Variants in DTX1 observed in about 807,000 individuals in gnomAD.
DTX1 encodes the protein deltex E3 ubiquitin ligase 1.
Under a neutral mutation model 57.8 loss-of-function variants are expected in DTX1, and 26 were observed. The ratio of observed to expected loss-of-function variants is 0.45; its 90% CI spans 0.33 to 0.62. DTX1 has a LOEUF of 0.62. Among genes scored for constraint, DTX1 ranks in the 20% least tolerant of loss-of-function variants. The pLI, the probability that DTX1 is intolerant of heterozygous loss-of-function variation, is 0.02. For synonymous variants in DTX1, 398 were observed against 394.1 expected (o/e 1.01, Z -0.12); for missense variants, 704 against 895.3 (o/e 0.79, Z 2.73).
chr12:113,068,226 C>G (rs1023715689), intron 2 of DTX1, among the ~76,000 whole-genome samples: 3 of 152,192 alleles, frequency 2.0e-5, no homozygotes, highest in Non-Finnish European at 4.4e-5. Flanking sequence ...TTGCAAGGAC[C>G]TACCTCCCTG....
At position 113,097,120 on chromosome 12, in the gene DTX1, C is replaced by T; in HGVS notation, c.*181C>T. On this transcript the variant is annotated 3_prime_UTR_variant, in exon 10 of 10. Coordinates refer to ENST00000548759, the MANE Select transcript of DTX1 (RefSeq NM_004416.3). Reference sequence around the variant, plus strand: ...GAAGAGAGATGGCATGTCAGGCTGGCCCCGAATCATAGCTCCCTGAGAGGG... The same window carrying T: ...GAAGAGAGATGGCATGTCAGGCTGGTCCCGAATCATAGCTCCCTGAGAGGG... 1 of 680,294 alleles carries T rather than the reference C, an allele frequency of 1.5e-6. No individual in the cohort carries two copies. Among genetic ancestry groups the T allele is most frequent in the Non-Finnish European group, 2.4e-6 (1 of 413,296 alleles). The allele number at this position is 680,294 out of a possible 1,614,324, so 42.1% of individuals were successfully genotyped here.
intron 3 of DTX1, among the ~76,000 whole-genome samples, chr12:113,091,887 C>A (rs1234011771): frequency 6.6e-6 from 1 of 152,292 alleles, no homozygotes; most frequent in African/African-American, 2.4e-5. Context: ...TCAGAACACC[C>A]CTCTTCATCA....
Position 113,077,347 on chromosome 12 carries a change from C to G in DTX1, c.260-77C>G. 7.0e-7 allele frequency: 1 copy of G among 1,428,466 alleles called. No individual in the cohort carries two copies. Among genetic ancestry groups the G allele is most frequent in the Non-Finnish European group, 9.4e-7 (1 of 1,069,314 alleles). The allele number at this position is 1,428,466 out of a possible 1,614,324, so 88.5% of individuals were successfully genotyped here. On this transcript the variant is annotated intron_variant, in intron 2 of 9. Transcript: ENST00000548759. This position sits in a 1 kb window ranked among gnomAD's most constrained non-coding sequence, Gnocchi z 7.8. ...CCCCCCAACCTCCCGCCCACCCTTG[C>G]CTGGCTGTGGCCCGCCCTTCCAGCC... is the stretch of plus-strand genomic sequence containing the variant.
intron 3 of DTX1, among the ~76,000 whole-genome samples, chr12:113,086,115 T>A (rs866953449): frequency 2.0e-5 from 3 of 151,688 alleles, no homozygotes; most frequent in Non-Finnish European, 2.9e-5. Context: ...AAAATTTTTT[T>A]AAATTAGCTG....
chr12:113,058,046 G>T lies in DTX1; in HGVS notation c.-147G>T. 1 of 1,317,964 alleles carries T rather than the reference G, an allele frequency of 7.6e-7. No individual in the cohort carries two copies. The highest frequency in any genetic ancestry group is 1.0e-6 in the Non-Finnish European group (1 of 993,056). The allele number at this position is 1,317,964 out of a possible 1,614,324, so 81.6% of individuals were successfully genotyped here. ...CACATTCCTTTAACGGAGGTCTCTA[G>T]GCCTCAGAGAGAACCCAGAGTTAGA... On this transcript the variant is annotated 5_prime_UTR_variant, in exon 2 of 10. In the 5' UTR this introduces an upstream ATG that the reference lacks. Coordinates refer to ENST00000548759, the MANE Select transcript of DTX1 (RefSeq NM_004416.3).
chr12:113,075,010 T>G (rs2044761219), intron 2 of DTX1, among the ~76,000 whole-genome samples: 1 of 152,168 alleles, frequency 6.6e-6, no homozygotes, highest in African/African-American at 2.4e-5. Flanking sequence ...GGAAGGGTCA[T>G]GAACCTGGCT....
chr12:113,094,399 T>C (rs879800664), intron 6 of DTX1, among the ~76,000 whole-genome samples: 5 of 152,146 alleles, frequency 3.3e-5, no homozygotes, highest in Non-Finnish European at 2.9e-5. Flanking sequence ...CATCTTCCTC[T>C]GTGATATATC....
At chr12:113,091,173 G>A (rs1377743401) in intron 3 of DTX1, among the ~76,000 whole-genome samples, 1 of 152,126 alleles carries the variant, frequency 6.6e-6, no homozygotes, top group Non-Finnish European at 1.5e-5. Flanking sequence ...CTTGTCCAAT[G>A]GAGTATCCTC....
intron 2 of DTX1, among the ~76,000 whole-genome samples, chr12:113,064,160 T>C (rs1465425370): frequency 6.6e-6 from 1 of 152,062 alleles, no homozygotes; most frequent in Non-Finnish European, 1.5e-5. Flanking sequence ...TGGGACCCTC[T>C]CTCCAGCCTC....
chr12:113,090,878 G>C (rs559616648), intron 3 of DTX1, among the ~76,000 whole-genome samples: 10 of 152,208 alleles, frequency 6.6e-5, no homozygotes, highest in Non-Finnish European at 1.5e-4. Flanking sequence ...GGAGGTGTGG[G>C]TCAGAGCATG....
At chr12:113,066,672 A>G (rs528676296) in intron 2 of DTX1, among the ~76,000 whole-genome samples, 5 of 149,406 alleles carry the variant, frequency 3.3e-5, no homozygotes, top group African/African-American at 1.2e-4. Context: ...TGTGGTCACT[A>G]TTCATTCATT....
intron 2 of DTX1, among the ~76,000 whole-genome samples, chr12:113,070,243 A>G (rs1369134217): frequency 2.0e-5 from 3 of 152,190 alleles, no homozygotes; most frequent in African/African-American, 7.2e-5. Flanking sequence ...GATGGCTGTT[A>G]GTATTATGAC....
In DTX1 at chr12:113,094,114, GGGGGGCTGGGGGA is replaced by G; in HGVS notation, c.1227+19_1227+31del. ...CACCTGATGAGGTGAGGAGGGGATG[GGGGGGCTGGGGGA>G]GGGCCCTGGCATGGAGGGGGCAGGA... is the stretch of plus-strand genomic sequence containing the variant. On this transcript the variant is annotated intron_variant, in intron 6 of 9. Coordinates refer to ENST00000548759, the MANE Select transcript of DTX1 (RefSeq NM_004416.3). 2 of 1,488,552 alleles carry G rather than the reference GGGGGGCTGGGGGA, an allele frequency of 1.3e-6. No homozygotes were observed. Among genetic ancestry groups the G allele is most frequent in the Non-Finnish European group, 1.8e-6 (2 of 1,087,718 alleles). 92.2% of individuals were successfully genotyped at this position (1,488,552 alleles called of 1,614,324 possible).
At chr12:113,076,711 A>G in intron 2 of DTX1, among the ~76,000 whole-genome samples, 1 of 152,260 alleles carries the variant, frequency 6.6e-6, no homozygotes, top group East Asian at 1.9e-4. Context: ...ATATATGAAT[A>G]TGTGAACTAG....
intron 3 of DTX1, among the ~76,000 whole-genome samples, chr12:113,081,452 C>A (rs935420336): frequency 1.3e-5 from 2 of 152,198 alleles, no homozygotes; most frequent in Non-Finnish European, 2.9e-5. Flanking sequence ...ATTCACAGAG[C>A]TGAACAAGAC....
At chr12:113,061,435 G>C (rs995907413) in intron 2 of DTX1, among the ~76,000 whole-genome samples, 2 of 152,190 alleles carry the variant, frequency 1.3e-5, no homozygotes, top group African/African-American at 4.8e-5. Flanking sequence ...AGGACGTCTT[G>C]TCCTCATTGG....
intron 9 of DTX1, 78 bp from the exon 10 acceptor site, chr12:113,096,637 A>C: frequency 7.4e-7 from 1 of 1,356,286 alleles, no homozygotes; most frequent in Non-Finnish European, 1.0e-6. Context: ...GTGGCAGGGG[A>C]GGGAGGGAGG....
chr12:113,073,448 G>C (rs2044749991), intron 2 of DTX1, among the ~76,000 whole-genome samples: 1 of 152,228 alleles, frequency 6.6e-6, no homozygotes, highest in Admixed American at 6.5e-5. Flanking sequence ...CAGAGATGCA[G>C]GGGAAGTTTT....
intron 2 of DTX1, among the ~76,000 whole-genome samples, chr12:113,062,280 T>A (rs1181438135): frequency 6.6e-6 from 1 of 152,198 alleles, no homozygotes; most frequent in Non-Finnish European, 1.5e-5. Flanking sequence ...ATCTTTTAAC[T>A]TTGTGGGACC....
Sources: gnomAD v4.1 joint callset for allele counts (sites outside exome capture counted in the v4.1 genomes callset) on GRCh38, gnomAD v4.1.1 for gene constraint, Gnocchi (gnomAD v3.1) non-coding constraint, MANE v1.5 for transcripts, NCBI Gene and HGNC (gene_info 2026-07-23, HGNC 2026-07-21) for gene names.